The following FIGN variants were observed in gnomAD, a reference collection of about 807,000 sequenced individuals.
FIGN encodes the protein fidgetin.
In FIGN, 11 loss-of-function variants were observed where a neutral mutation model predicts 51.3. The ratio of observed to expected loss-of-function variants is 0.21; its 90% CI spans 0.13 to 0.35. The LOEUF (loss-of-function observed/expected upper bound fraction) is 0.35. Ranked by LOEUF, FIGN falls within the 10% of genes least tolerant of loss-of-function variation. The pLI is 1.00. For synonymous variants in FIGN, 407 were observed against 363.2 expected, an observed-to-expected ratio of 1.12 and a Z score of -1.37; for missense variants, 857 against 943.6, an observed-to-expected ratio of 0.91 and a Z score of 1.20.
chr2:163,673,140 G>A (rs1683905244), intron 2 of FIGN, among the ~76,000 whole-genome samples: 1 of 152,038 alleles, frequency 6.6e-6, no homozygotes, highest in Non-Finnish European at 1.5e-5. Flanking sequence ...GATGCCAGTA[G>A]GAAGCTTTTA....
chr2:163,655,924 T>C (rs1683553196), intron 2 of FIGN, among the ~76,000 whole-genome samples: 1 of 152,082 alleles, frequency 6.6e-6, no homozygotes, highest in African/African-American at 2.4e-5. Context: ...ACAGCATAAG[T>C]GGACTGAGCT....
chr2:163,611,915 C>G, intron 2 of FIGN, 109 bp from the exon 3 acceptor site: 3 of 676,760 alleles, frequency 4.4e-6, no homozygotes, highest in Non-Finnish European at 4.6e-6. Flanking sequence ...TAATGATATG[C>G]ATACTTTAAA....
rs564212374 is a variant in FIGN, at chr2:163,668,565, G to T, written c.26-56759C>A. Among the ~76,000 whole-genome samples, 5 of 152,332 alleles carry T rather than the reference G, an allele frequency of 3.3e-5. No homozygotes were observed. The South Asian group carries it at 1.0e-3, about 32-fold the overall frequency. On this transcript the variant is annotated intron_variant, in intron 2 of 2. Coordinates refer to ENST00000333129, the MANE Select transcript of FIGN (RefSeq NM_018086.4). Reference sequence around the variant, plus strand: ...ATTCCATCTCTTCATAAGAAATCATGAAAGTATATTACATGGTAATAAAAC... The same window carrying T: ...ATTCCATCTCTTCATAAGAAATCATTAAAGTATATTACATGGTAATAAAAC...
At chr2:163,698,890 G>A (rs557632849) in intron 2 of FIGN, among the ~76,000 whole-genome samples, 2 of 152,260 alleles carry the variant, frequency 1.3e-5, no homozygotes, top group African/African-American at 4.8e-5. Context: ...AGGGAGGCTT[G>A]AAAATAAAGT....
At chr2:163,700,184 C>T (rs908793204) in intron 2 of FIGN, among the ~76,000 whole-genome samples, 12 of 152,090 alleles carry the variant, frequency 7.9e-5, no homozygotes, top group Non-Finnish European at 2.9e-5. Flanking sequence ...TTAGTTATAA[C>T]GCTGGAGGAA....
intron 2 of FIGN, among the ~76,000 whole-genome samples, chr2:163,731,383 A>G (rs572426446): frequency 1.6e-4 from 25 of 152,266 alleles, no homozygotes; most frequent in African/African-American, 6.0e-4. Flanking sequence ...AGATTCTTGG[A>G]AATACTACCT....
chr2:163,697,203 C>A (rs1030645681), intron 2 of FIGN, among the ~76,000 whole-genome samples: 12 of 148,350 alleles, frequency 8.1e-5, no homozygotes, highest in Non-Finnish European at 1.3e-4. Flanking sequence ...CGGGTTCAAG[C>A]GATTCACCTG....
chr2:163,683,250 G>A (rs958263414), intron 2 of FIGN, among the ~76,000 whole-genome samples: 4 of 152,098 alleles, frequency 2.6e-5, no homozygotes, highest in South Asian at 2.1e-4. Context: ...TGTTGCAATA[G>A]GAAATATAAG....
chr2:163,651,349 C>A (rs1345560012), intron 2 of FIGN, among the ~76,000 whole-genome samples: 1 of 152,106 alleles, frequency 6.6e-6, no homozygotes, highest in Non-Finnish European at 1.5e-5. Flanking sequence ...GTAGTCCCAG[C>A]TACTCGGTAG....
intron 2 of FIGN, among the ~76,000 whole-genome samples, chr2:163,612,938 C>G (rs76187277): frequency 6.6e-6 from 1 of 151,954 alleles, no homozygotes; most frequent in Admixed American, 6.6e-5. Flanking sequence ...CTGGGTAATT[C>G]TATCATCTGC....
intron 2 of FIGN, among the ~76,000 whole-genome samples, chr2:163,734,478 T>C (rs1022979482): frequency 6.8e-6 from 1 of 146,150 alleles, no homozygotes; most frequent in East Asian, 2.1e-4. Flanking sequence ...TGTGTGTACA[T>C]ATATATAGAT....
At chr2:163,684,797 G>A (rs529512600) in intron 2 of FIGN, among the ~76,000 whole-genome samples, 5 of 151,856 alleles carry the variant, frequency 3.3e-5, no homozygotes, top group South Asian at 2.1e-4. Context: ...TTTCTGAGAC[G>A]GAATCTTGCT....
At chr2:163,651,233 C>T (rs1573926968) in intron 2 of FIGN, among the ~76,000 whole-genome samples, 1 of 152,246 alleles carries the variant, frequency 6.6e-6, no homozygotes, top group African/African-American at 2.4e-5. Context: ...GAGGCCAAGG[C>T]ATGTGGATCA....
chr2:163,717,770 G>T (rs943633145), intron 2 of FIGN, among the ~76,000 whole-genome samples: 2 of 152,068 alleles, frequency 1.3e-5, no homozygotes, highest in African/African-American at 4.8e-5. Flanking sequence ...CGTGTTAATC[G>T]GGTGTAATTT....
intron 2 of FIGN, among the ~76,000 whole-genome samples, chr2:163,694,224 C>T (rs1291796718): frequency 6.6e-6 from 1 of 152,184 alleles, no homozygotes; most frequent in Admixed American, 6.5e-5. Flanking sequence ...TTGCCCCCAC[C>T]AACTTGGGAT....
intron 2 of FIGN, among the ~76,000 whole-genome samples, chr2:163,626,859 G>A (rs1012364929): frequency 2.6e-5 from 4 of 152,052 alleles, no homozygotes; most frequent in South Asian, 2.1e-4. Context: ...ACCTCTGGTC[G>A]TCCTCACTGC....
At chr2:163,735,410 T>C (rs1684999595) in intron 1 of FIGN, among the ~76,000 whole-genome samples, 1 of 152,228 alleles carries the variant, frequency 6.6e-6, no homozygotes, top group Non-Finnish European at 1.5e-5. Flanking sequence ...TAACCTCAAC[T>C]TTTTGTGTGT....
chr2:163,734,949 G>C lies in FIGN; in HGVS notation c.-22C>G. On this transcript the variant is annotated 5_prime_UTR_variant, in exon 2 of 3. Transcript: ENST00000333129. Reference sequence around the variant, plus strand: ...TCATTTCTTGCTGGCAGCACAAAAAGCTGAATTGGATTTCTCACAAGCAGG... The same window carrying C: ...TCATTTCTTGCTGGCAGCACAAAAACCTGAATTGGATTTCTCACAAGCAGG... The C allele has an allele frequency of 6.2e-7, 1 of 1,610,988 alleles. No homozygotes were observed. Among genetic ancestry groups the C allele is most frequent in the Non-Finnish European group, 8.5e-7 (1 of 1,178,910 alleles).
At chr2:163,654,285 T>C (rs764612909) in intron 2 of FIGN, among the ~76,000 whole-genome samples, 13 of 152,168 alleles carry the variant, frequency 8.5e-5, no homozygotes, top group Non-Finnish European at 1.8e-4. Context: ...AAAGAAGACA[T>C]TTTGGAATGA....
Sources: gnomAD v4.1 joint callset for allele counts (sites outside exome capture counted in the v4.1 genomes callset) on GRCh38, gnomAD v4.1.1 for gene constraint, MANE v1.5 for transcripts, NCBI Gene and HGNC (gene_info 2026-07-23, HGNC 2026-07-21) for gene names.